Variants in CDH22 observed in about 807,000 individuals in gnomAD.
CDH22 encodes the protein cadherin-22.
CDH22 carries 30 observed loss-of-function variants against 58.4 expected under a neutral mutation model. The observed-to-expected ratio is 0.51, with a 90% CI of 0.38 to 0.70. CDH22 has a LOEUF of 0.70. Ranked by LOEUF, CDH22 falls within the 30% of genes least tolerant of loss-of-function variation. The pLI is 0.00. For synonymous variants in CDH22, 513 were observed against 558.2 expected (o/e 0.92, Z 1.14); for missense variants, 1,014 against 1,233.9 (o/e 0.82, Z 2.67).
At chr20:46,192,825 C>T (rs531106430) in intron 8 of CDH22, among the ~76,000 whole-genome samples, 3 of 152,140 alleles carry the variant, frequency 2.0e-5, no homozygotes, top group South Asian at 2.1e-4. Flanking sequence ...GACAGTGAGG[C>T]GCACGGGACG....
chr20:46,302,897 A>T lies in CDH22; in HGVS notation c.-400+5358T>A, dbSNP rs116773339. On this transcript the variant is annotated intron_variant, in intron 1 of 11. Coordinates refer to ENST00000537909, the MANE Select transcript of CDH22 (RefSeq NM_021248.3). ...TTCTCTCCCCCATGCCCAGGCAGTT[A>T]CTTAGCCCTGTCCATTCCACTCCCA... Among the ~76,000 whole-genome samples the T allele has an allele frequency of 9.8e-3, 1,489 of 152,122 alleles. 14 individuals are homozygous for T. The highest frequency in any genetic ancestry group is 0.034 in the African/African-American group (1,415 of 41,486).
At chr20:46,301,493 C>G (rs2086651283) in intron 1 of CDH22, among the ~76,000 whole-genome samples, 1 of 140,830 alleles carries the variant, frequency 7.1e-6, no homozygotes, top group African/African-American at 2.8e-5. Flanking sequence ...CTGTAACTTG[C>G]CTATTAAAAA....
rs1475959044 is a variant in CDH22 at position 46,199,437 on chromosome 20, A to T, written c.1409T>A (p.Leu470Gln). 3 of 1,612,052 alleles carry T rather than the reference A, an allele frequency of 1.9e-6. No homozygotes were observed. The highest frequency in any genetic ancestry group is 2.5e-6 in the Non-Finnish European group (3 of 1,179,936). The change falls in exon 8 of 12, where the codon CTG becomes CAG. Residue 470 changes from leucine to glutamine, a missense_variant. Leu to Gln is a moderately radical substitution (Grantham distance 113, BLOSUM62 -2). Transcript: ENST00000537909. The stretch of plus-strand genomic sequence containing the variant: ...GCCCAGCTCACCCGCCTCCATGGCC[A>T]GCACTGTGATGTTGTGCCAGCCGGC... ...ETAGWHNITV[L>Q]AMEADNHAQL...
In CDH22 at chr20:46,300,335, G is replaced by A. The variant is rs2086645676; in HGVS notation, c.-400+7920C>T. Among the ~76,000 whole-genome samples the A allele has an allele frequency of 2.0e-5, 3 of 152,192 alleles. No homozygotes were observed. In the South Asian group the frequency reaches 6.2e-4, roughly 32 times the overall value. On this transcript the variant is annotated intron_variant, in intron 1 of 11. Transcript: ENST00000537909. The surrounding 1 kb of genome is among the most constrained non-coding windows in gnomAD (Gnocchi z 4.4). ...CACAGTCCTATGTCTGGTTACCTGA[G>A]TCTGTCTGGCTTGTCACCTACCCAT...
intron 1 of CDH22, among the ~76,000 whole-genome samples, chr20:46,280,066 C>T (rs1418841003): frequency 1.3e-5 from 2 of 152,202 alleles, no homozygotes; most frequent in Admixed American, 1.3e-4. Flanking sequence ...TTGGGAGTCA[C>T]ACCTGGGGCT....
intron 1 of CDH22, among the ~76,000 whole-genome samples, chr20:46,302,904 C>T (rs895524994): frequency 2.4e-4 from 37 of 152,192 alleles, no homozygotes; most frequent in African/African-American, 2.4e-5. Flanking sequence ...GTTACTTAGC[C>T]CTGTCCATTC....
chr20:46,226,266 TTCTTCTTCTTCTTCTTCTTCTTCTTC>T (rs1260445577), intron 4 of CDH22, among the ~76,000 whole-genome samples: 109 of 6,660 alleles, frequency 0.016, 17 homozygotes, highest in Middle Eastern at 0.1. Context: ...CTTCTTCTTC[TTCTTCTTCTTCTTCTTCTTCTTCTTC>T]TTTTTTTTTT....
chr20:46,268,758 G>A (rs2086473982), intron 1 of CDH22, among the ~76,000 whole-genome samples: 1 of 152,220 alleles, frequency 6.6e-6, no homozygotes, highest in South Asian at 2.1e-4. Flanking sequence ...CAGCAATCAT[G>A]AGAACTTCAA....
In CDH22 at chr20:46,241,355, TC is replaced by T; in HGVS notation, c.256-99del. The T allele has an allele frequency of 9.8e-7, 1 of 1,022,954 alleles. No homozygotes were observed. Among genetic ancestry groups the T allele is most frequent in the Non-Finnish European group, 1.4e-6 (1 of 710,610 alleles). 63.4% of individuals were successfully genotyped at this position (1,022,954 alleles called of 1,614,324 possible). A position where few individuals can be genotyped will look rare whatever the true frequency, so the allele number is the denominator to read the frequency against. ...TTGGCTGCCTATTCCTAAGCCCATCTCTTCTCCAGCACATACACATCTTTAG... is the reference window on the plus strand; with the variant it reads ...TTGGCTGCCTATTCCTAAGCCCATCTTTCTCCAGCACATACACATCTTTAG... On this transcript the variant is annotated intron_variant, in intron 2 of 11. Coordinates refer to ENST00000537909, the MANE Select transcript of CDH22 (RefSeq NM_021248.3). The surrounding 1 kb of genome is among the most constrained non-coding windows in gnomAD (Gnocchi z 5.2).
chr20:46,212,663 G>C (rs1161330322), intron 6 of CDH22, among the ~76,000 whole-genome samples: 3 of 152,154 alleles, frequency 2.0e-5, no homozygotes, highest in African/African-American at 7.2e-5. Context: ...GCTTCAGAGG[G>C]AAATATGAGG....
intron 3 of CDH22, among the ~76,000 whole-genome samples, chr20:46,236,912 C>T (rs993692970): frequency 2.2e-4 from 33 of 152,064 alleles, no homozygotes; most frequent in Non-Finnish European, 3.7e-4. Flanking sequence ...CAGCTGGTCT[C>T]GAACTCCTGA....
rs1244119903 is a variant in CDH22, at chr20:46,251,247, C to G, written c.48G>C (p.Leu16=). Residue 16 remains leucine (L), a synonymous_variant, in exon 2 of 12, where the codon CTG becomes CTC. Transcript: ENST00000537909. The surrounding 1 kb of genome is among the most constrained non-coding windows in gnomAD (Gnocchi z 6.7). ...EGRGLRAGVA[L]SPALLLLLLL... ...GCAGCAGCAGCAGTAGCGCGGGGGA[C>G]AGCGCGACTCCCGCCCGGAGCCCCC... 3 of 1,470,194 alleles carry G rather than the reference C, an allele frequency of 2.0e-6. No individual in the cohort carries two copies. The South Asian group carries it at 3.9e-5, about 19-fold the overall frequency. The allele number at this position is 1,470,194 out of a possible 1,614,324, so 91.1% of individuals were successfully genotyped here. A position where few individuals can be genotyped will look rare whatever the true frequency, so the allele number is the denominator to read the frequency against.
At chr20:46,264,994 C>T (rs1447417283) in intron 1 of CDH22, among the ~76,000 whole-genome samples, 1 of 152,226 alleles carries the variant, frequency 6.6e-6, no homozygotes, top group Non-Finnish European at 1.5e-5. Context: ...CCCTCCACCT[C>T]AGGTGCCCCT....
At chr20:46,175,344 G>A (rs2085730853) in intron 11 of CDH22, among the ~76,000 whole-genome samples, 1 of 152,220 alleles carries the variant, frequency 6.6e-6, no homozygotes, top group Admixed American at 6.5e-5. Context: ...TGGGAGAGCA[G>A]TGTTAAAGGT....
chr20:46,183,094 G>C (rs1363693981), intron 10 of CDH22, among the ~76,000 whole-genome samples: 1 of 152,184 alleles, frequency 6.6e-6, no homozygotes, highest in Non-Finnish European at 1.5e-5. Flanking sequence ...GAACTTGGCA[G>C]AGTTGAGCCA....
intron 1 of CDH22, among the ~76,000 whole-genome samples, chr20:46,298,358 T>A (rs1159201326): frequency 6.6e-6 from 1 of 152,220 alleles, no homozygotes; most frequent in Non-Finnish European, 1.5e-5. Flanking sequence ...TATCTTCAAA[T>A]GCTGTGTTAA....
At position 46,241,505 on chromosome 20, in the gene CDH22, C is replaced by G. The variant is rs577948790; in HGVS notation, c.256-248G>C. ...CCCCTCTGCATTCAGAGCTATCAGC[C>G]TTGGAGGCAGATCTGAACATGGCCT... On this transcript the variant is annotated intron_variant, in intron 2 of 11. Coordinates refer to ENST00000537909, the MANE Select transcript of CDH22 (RefSeq NM_021248.3). This position sits in a 1 kb window ranked among gnomAD's most constrained non-coding sequence, Gnocchi z 5.2. Among the ~76,000 whole-genome samples the G allele has an allele frequency of 6.6e-6, 1 of 152,338 alleles. No individual in the cohort carries two copies. Among genetic ancestry groups the G allele is most frequent in the Non-Finnish European group, 1.5e-5 (1 of 68,030 alleles).
chr20:46,213,112 G>T lies in CDH22; in HGVS notation c.915C>A (p.Asp305Glu). The change falls in exon 6 of 12, where the codon GAC becomes GAA. Residue 305 changes from aspartate to glutamate, a missense_variant. This residue lies in a region of CDH22 where 806 missense variants were observed against 1,038.7 expected (regional missense o/e 0.78). Transcript: ENST00000537909. Reference protein sequence around the residue: ...AVGRVKAEDSDVGENTDMTYH... With the variant: ...AVGRVKAEDSEVGENTDMTYH... ...AAGTCATGTCTGTGTTCTCTCCCAC[G>T]TCTGAGTCCTCAGCCTTCACACGTC... is the stretch of plus-strand genomic sequence containing the variant. 1.2e-6 allele frequency: 2 copies of T among 1,614,116 alleles called. No homozygotes were observed. Among genetic ancestry groups the T allele is most frequent in the Non-Finnish European group, 1.7e-6 (2 of 1,180,002 alleles).
At chr20:46,246,728 G>C (rs1475736994) in intron 2 of CDH22, among the ~76,000 whole-genome samples, 1 of 152,122 alleles carries the variant, frequency 6.6e-6, no homozygotes, top group Non-Finnish European at 1.5e-5. Flanking sequence ...TGTAAAATAG[G>C]TTACCGTCGG....
Sources: gnomAD v4.1 joint callset for allele counts (sites outside exome capture counted in the v4.1 genomes callset) on GRCh38, gnomAD v4.1.1 for gene constraint, gnomAD v4.1.1 regional missense constraint, Gnocchi (gnomAD v3.1) non-coding constraint, MANE v1.5 for transcripts, NCBI Gene and HGNC (gene_info 2026-07-23, HGNC 2026-07-21) for gene names.